The following MCC variants were observed in gnomAD, a reference collection of about 807,000 sequenced individuals.
MCC encodes colorectal mutant cancer protein.
A neutral mutation model predicts 116.2 loss-of-function variants in MCC; 90 were observed. That is an observed-to-expected ratio of 0.77 (90% CI 0.65 to 0.92). The LOEUF is 0.92. Ranked by LOEUF, MCC falls within the 40% of genes least tolerant of loss-of-function variation. The pLI is 0.00. For synonymous variants in MCC, 578 were observed against 510.5 expected, an observed-to-expected ratio of 1.13 and a Z score of -1.78; for missense variants, 1,516 against 1,312.2, an observed-to-expected ratio of 1.16 and a Z score of -2.40.
chr5:113,092,525 A>C (rs1448911622), intron 8 of MCC, among the ~76,000 whole-genome samples: 3 of 152,226 alleles, frequency 2.0e-5, no homozygotes, highest in Non-Finnish European at 4.4e-5. Flanking sequence ...TTGTTACAGC[A>C]GCCACAGGAG....
chr5:113,043,456 G>T, intron 17 of MCC, 74 bp downstream of exon 17: 1 of 1,315,596 alleles, frequency 7.6e-7, no homozygotes, highest in Non-Finnish European at 1.1e-6. Flanking sequence ...CCTTTTGGGA[G>T]CAGCAAAGAG....
chr5:113,346,271 G>A (rs1646325880), intron 2 of MCC, among the ~76,000 whole-genome samples: 1 of 152,112 alleles, frequency 6.6e-6, no homozygotes, highest in Non-Finnish European at 1.5e-5. Context: ...TGGCCTTAAA[G>A]AGGAGATAGA....
intron 1 of MCC, among the ~76,000 whole-genome samples, chr5:113,395,810 C>A (rs1301893430): frequency 6.6e-6 from 1 of 151,570 alleles, no homozygotes; most frequent in Non-Finnish European, 1.5e-5. Flanking sequence ...ATGCTCAACT[C>A]TTCATAATTG....
At position 113,233,756 on chromosome 5, in the gene MCC, C is replaced by T. The variant is rs183765154; in HGVS notation, c.628-82334G>A. 1.1e-3 allele frequency among the ~76,000 whole-genome samples: 162 copies of T among 152,232 alleles called. 1 individual carries two copies. Among genetic ancestry groups the T allele is most frequent in the African/African-American group, 3.7e-3 (155 of 41,534 alleles). ...TAGATTCAAATCCATCCTGAGTCAC[C>T]TAAGATATATTTGGCTGCCCCAAAT... On this transcript the variant is annotated intron_variant, in intron 3 of 18. Coordinates refer to ENST00000408903, the MANE Select transcript of MCC (RefSeq NM_001085377.2).
intron 5 of MCC, among the ~76,000 whole-genome samples, chr5:113,140,569 C>G (rs1464811531): frequency 6.6e-6 from 1 of 152,180 alleles, no homozygotes; most frequent in Non-Finnish European, 1.5e-5. Context: ...AGGGCAGTCA[C>G]AGAAGGTGCC....
At position 113,024,266 on chromosome 5, in the gene MCC, T is replaced by TTAAC. The variant is rs1259544018; in HGVS notation, c.*3032_*3035dup. On this transcript the variant is annotated 3_prime_UTR_variant, in exon 19 of 19. Transcript: ENST00000408903. ...ACATTTGTTTCAGGCAGCATGGATATTAACTTCAGAACGCTGACAAGCCAG... is the reference window on the plus strand; with the variant it reads ...ACATTTGTTTCAGGCAGCATGGATATTAACTAACTTCAGAACGCTGACAAGCCAG... 23 of 152,364 alleles carry TTAAC rather than the reference T, an allele frequency of 1.5e-4. No homozygotes were observed. Among genetic ancestry groups the TTAAC allele is most frequent in the African/African-American group, 5.5e-4 (23 of 41,580 alleles). The allele number at this position is 152,364 out of a possible 1,614,324, so 9.4% of individuals were successfully genotyped here.
At chr5:113,235,428 T>C (rs1012975557) in intron 3 of MCC, among the ~76,000 whole-genome samples, 4 of 152,242 alleles carry the variant, frequency 2.6e-5, no homozygotes, top group African/African-American at 9.6e-5. Context: ...TGCATTAGTT[T>C]CTTCATTCCA....
In MCC at chr5:113,406,805, C is replaced by T. The variant is rs1387087325; in HGVS notation, c.171-21593G>A. ...ACTGATATCCTACCAGCAGGTTCAA[C>T]CAGAAGTCCTGCATGCAGAGAACCT... is the stretch of plus-strand genomic sequence containing the variant. On this transcript the variant is annotated intron_variant, in intron 1 of 18. Coordinates refer to ENST00000408903, the MANE Select transcript of MCC (RefSeq NM_001085377.2). Among the ~76,000 whole-genome samples the T allele has an allele frequency of 2.0e-5, 3 of 152,126 alleles. No individual in the cohort carries two copies. The East Asian group carries it at 5.8e-4, about 29-fold the overall frequency.
intron 3 of MCC, among the ~76,000 whole-genome samples, chr5:113,255,127 T>C (rs1198216774): frequency 6.6e-6 from 1 of 152,116 alleles, no homozygotes; most frequent in Admixed American, 6.5e-5. Context: ...ATTGCACCAC[T>C]GCACTCCACC....
At chr5:113,156,051 C>T (rs1001638358) in intron 3 of MCC, among the ~76,000 whole-genome samples, 3 of 152,132 alleles carry the variant, frequency 2.0e-5, no homozygotes, top group Non-Finnish European at 4.4e-5. Flanking sequence ...CTCTAGCAGC[C>T]ATCTTGTGCT....
intron 1 of MCC, among the ~76,000 whole-genome samples, chr5:113,458,957 G>C (rs746649538): frequency 8.5e-5 from 13 of 152,126 alleles, no homozygotes; most frequent in Non-Finnish European, 1.5e-4. Flanking sequence ...CTGATATTGT[G>C]GGAGAGTTAT....
chr5:113,102,975 G>C (rs368623390), intron 7 of MCC, among the ~76,000 whole-genome samples: 4 of 152,086 alleles, frequency 2.6e-5, no homozygotes, highest in African/African-American at 9.7e-5. Context: ...TTAGCCGGGC[G>C]TGGTGGCGCC....
At chr5:113,071,544 T>A (rs1340282237) in intron 11 of MCC, among the ~76,000 whole-genome samples, 1 of 152,198 alleles carries the variant, frequency 6.6e-6, no homozygotes, top group African/African-American at 2.4e-5. Context: ...AGGAGACAGT[T>A]GTGCAACCTC....
chr5:113,086,659 G>T (rs1235664970), intron 8 of MCC, among the ~76,000 whole-genome samples: 1 of 152,232 alleles, frequency 6.6e-6, no homozygotes, highest in Non-Finnish European at 1.5e-5. Context: ...GAAGAGAGTT[G>T]CTAGAGATTG....
chr5:113,240,393 C>T (rs1764321220), intron 3 of MCC, among the ~76,000 whole-genome samples: 1 of 152,188 alleles, frequency 6.6e-6, no homozygotes, highest in Non-Finnish European at 1.5e-5. Flanking sequence ...AAACCTAGAA[C>T]TCAGACCATA....
In MCC at chr5:113,319,250, G is replaced by A. The variant is rs568865361; in HGVS notation, c.627+21269C>T. On this transcript the variant is annotated intron_variant, in intron 3 of 18. Coordinates refer to ENST00000408903, the MANE Select transcript of MCC (RefSeq NM_001085377.2). ...TAAAAGTAAAAGTAAATTTAGTCTA[G>A]CTAAATACTGTTGCTTACCAAAGCT... is the stretch of plus-strand genomic sequence containing the variant. 3.3e-5 allele frequency among the ~76,000 whole-genome samples: 5 copies of A among 152,334 alleles called. No homozygotes were observed. In the South Asian group the frequency reaches 8.3e-4, roughly 25 times the overall value.
At chr5:113,120,454 C>G (rs1021041252) in intron 6 of MCC, among the ~76,000 whole-genome samples, 1 of 152,252 alleles carries the variant, frequency 6.6e-6, no homozygotes, top group South Asian at 2.1e-4. Flanking sequence ...ATCCAGACTA[C>G]TGATCGCTCC....
At chr5:113,236,292 CAAG>C (rs1315255830) in intron 3 of MCC, among the ~76,000 whole-genome samples, 3 of 152,180 alleles carry the variant, frequency 2.0e-5, no homozygotes, top group Admixed American at 2.0e-4. Flanking sequence ...CTGCATAAAC[CAAG>C]AAGGACACCA....
chr5:113,239,452 G>A (rs1391924066), intron 3 of MCC, among the ~76,000 whole-genome samples: 1 of 152,156 alleles, frequency 6.6e-6, no homozygotes, highest in Admixed American at 6.5e-5. Flanking sequence ...TTTAGTTTAG[G>A]CCCCTCTTAA....
Sources: gnomAD v4.1 joint callset for allele counts (sites outside exome capture counted in the v4.1 genomes callset) on GRCh38, gnomAD v4.1.1 for gene constraint, MANE v1.5 for transcripts, NCBI Gene and HGNC (gene_info 2026-07-23, HGNC 2026-07-21) for gene names.